Variants in PRKN observed in about 807,000 individuals in gnomAD.
PRKN encodes parkin RBR E3 ubiquitin protein ligase.
Under a neutral mutation model 59.5 loss-of-function variants are expected in PRKN, and 56 were observed. The ratio of observed to expected loss-of-function variants is 0.94; its 90% CI spans 0.76 to 1.18. The LOEUF is 1.18. PRKN is among the 50% of genes most tolerant of loss of function. PRKN has a pLI of 0.00. For missense variants in PRKN, 657 were observed against 596.4 expected, an observed-to-expected ratio of 1.10 and a Z score of -1.06; for synonymous variants, 250 against 222.1, an observed-to-expected ratio of 1.13 and a Z score of -1.12.
intron 1 of PRKN, among the ~76,000 whole-genome samples, chr6:162,656,307 G>GC (rs755443649): frequency 6.6e-6 from 1 of 152,208 alleles, no homozygotes; most frequent in African/African-American, 2.4e-5. Flanking sequence ...TCTACAATGA[G>GC]CTTTAAGATC....
intron 1 of PRKN, among the ~76,000 whole-genome samples, chr6:162,564,504 C>T (rs10945842): frequency 0.31 from 46,698 of 152,012 alleles, 7,639 homozygotes; most frequent in East Asian, 0.49. Context: ...AACAAGGTTA[C>T]AGAACACCAA....
intron 4 of PRKN, among the ~76,000 whole-genome samples, chr6:162,163,638 T>C (rs1782853884): frequency 6.7e-6 from 1 of 148,986 alleles, no homozygotes; most frequent in South Asian, 2.1e-4. Context: ...AGCAGAACAA[T>C]GATCTAGAAA....
At chr6:161,938,468 G>A (rs1452785643) in intron 6 of PRKN, among the ~76,000 whole-genome samples, 3 of 152,192 alleles carry the variant, frequency 2.0e-5, no homozygotes, top group Non-Finnish European at 4.4e-5. Context: ...GTTCTAGATG[G>A]AAGAAGTAAA....
At chr6:162,211,439 A>G (rs1785193158) in intron 3 of PRKN, among the ~76,000 whole-genome samples, 1 of 152,242 alleles carries the variant, frequency 6.6e-6, no homozygotes, top group Non-Finnish European at 1.5e-5. Context: ...AATGGAATCC[A>G]TGGAATGACC....
intron 5 of PRKN, among the ~76,000 whole-genome samples, chr6:161,991,908 A>G (rs1781663260): frequency 6.6e-6 from 1 of 152,160 alleles, no homozygotes; most frequent in East Asian, 1.9e-4. Flanking sequence ...TACAAGAAAA[A>G]CACTTCACCT....
intron 6 of PRKN, among the ~76,000 whole-genome samples, chr6:161,852,214 G>A (rs1347559790): frequency 6.6e-6 from 1 of 152,042 alleles, no homozygotes; most frequent in Non-Finnish European, 1.5e-5. Flanking sequence ...GGGAGGCTGA[G>A]ATGGGAGGAT....
rs1789390716 is a variant in PRKN at position 161,444,374 on chromosome 6, C to T, written c.1084-57497G>A. Among the ~76,000 whole-genome samples, 1 of 152,186 alleles carries T rather than the reference C, an allele frequency of 6.6e-6. No individual in the cohort carries two copies. On this transcript the variant is annotated intron_variant, in intron 9 of 11. Transcript: ENST00000366898. This position sits in a 1 kb window ranked among gnomAD's most constrained non-coding sequence, Gnocchi z 5.6. Reference sequence around the variant, plus strand: ...CTGTAATGGGTTTAGCCAAAGCATCCCCACCACCTTCCTCCAGGAATGTGT... The same window carrying T: ...CTGTAATGGGTTTAGCCAAAGCATCTCCACCACCTTCCTCCAGGAATGTGT...
intron 1 of PRKN, among the ~76,000 whole-genome samples, chr6:162,724,962 T>A (rs1195155040): frequency 1.3e-5 from 2 of 152,250 alleles, no homozygotes; most frequent in Admixed American, 1.3e-4. Flanking sequence ...TGCTTGGCAA[T>A]GGTCATCTGC....
chr6:162,691,369 C>G (rs1444099156), intron 1 of PRKN, among the ~76,000 whole-genome samples: 1 of 152,042 alleles, frequency 6.6e-6, no homozygotes, highest in South Asian at 2.1e-4. Context: ...GTAGAGACAG[C>G]TACATAACAT....
At chr6:161,966,463 T>C (rs1425876128) in intron 6 of PRKN, among the ~76,000 whole-genome samples, 1 of 152,190 alleles carries the variant, frequency 6.6e-6, no homozygotes, top group Non-Finnish European at 1.5e-5. Context: ...AGGGAAAGAA[T>C]TCCGGTATCC....
At chr6:162,397,969 G>A (rs1299216437) in intron 2 of PRKN, among the ~76,000 whole-genome samples, 2 of 151,032 alleles carry the variant, frequency 1.3e-5, no homozygotes, top group Non-Finnish European at 2.9e-5. Context: ...CCTAGTACCT[G>A]GACGTTGCAG....
chr6:162,605,112 A>T (rs1328297988), intron 1 of PRKN, among the ~76,000 whole-genome samples: 1 of 152,170 alleles, frequency 6.6e-6, no homozygotes, highest in Non-Finnish European at 1.5e-5. Context: ...GGTGATAGAG[A>T]ATCCTTTACT....
intron 7 of PRKN, among the ~76,000 whole-genome samples, chr6:161,699,948 G>T (rs1786183113): frequency 6.6e-6 from 1 of 152,042 alleles, no homozygotes; most frequent in Non-Finnish European, 1.5e-5. Context: ...GAGAGCTTTA[G>T]AAGCCTTTGT....
intron 4 of PRKN, among the ~76,000 whole-genome samples, chr6:162,111,131 C>T (rs1053155489): frequency 8.5e-5 from 13 of 152,056 alleles, no homozygotes; most frequent in Admixed American, 6.6e-4. Flanking sequence ...ACTGAGTCAA[C>T]GTACAGGCAT....
intron 2 of PRKN, among the ~76,000 whole-genome samples, chr6:162,442,969 T>G (rs1056738634): frequency 3.9e-5 from 6 of 152,120 alleles, no homozygotes; most frequent in Non-Finnish European, 8.8e-5. Flanking sequence ...TCCTTCTTCG[T>G]TAAGATTCAA....
intron 2 of PRKN, among the ~76,000 whole-genome samples, chr6:162,395,179 C>G (rs967790970): frequency 2.0e-5 from 3 of 152,198 alleles, no homozygotes; most frequent in African/African-American, 7.2e-5. Context: ...TAGTCATACT[C>G]TAGCATAATA....
chr6:161,668,822 T>G (rs1309322692), intron 7 of PRKN, among the ~76,000 whole-genome samples: 1 of 152,230 alleles, frequency 6.6e-6, no homozygotes, highest in Non-Finnish European at 1.5e-5. Flanking sequence ...ACTTCTCACA[T>G]GAGGCCAGCT....
intron 7 of PRKN, among the ~76,000 whole-genome samples, chr6:161,769,361 G>A (rs1282744346): frequency 1.3e-5 from 2 of 152,060 alleles, no homozygotes; most frequent in African/African-American, 2.4e-5. Flanking sequence ...TTTAAAACGA[G>A]GAAATCAGCT....
chr6:162,349,574 G>T (rs146821885), intron 2 of PRKN, among the ~76,000 whole-genome samples: 1 of 152,136 alleles, frequency 6.6e-6, no homozygotes, highest in African/African-American at 2.4e-5. Flanking sequence ...CTCAGAAACA[G>T]ATAAAAAATT....
Sources: allele counts gnomAD v4.1 joint callset (sites outside exome capture counted in the v4.1 genomes callset), GRCh38; gene constraint gnomAD v4.1.1; non-coding constraint Gnocchi (gnomAD v3.1); transcripts MANE v1.5; gene names NCBI Gene and HGNC (gene_info 2026-07-23, HGNC 2026-07-21).